The following TECTA variants were observed in gnomAD, a reference collection of about 807,000 sequenced individuals.
TECTA encodes the protein alpha-tectorin.
In TECTA, 128 loss-of-function variants were observed where a neutral mutation model predicts 216.8. The observed-to-expected ratio is 0.59, with a 90% CI of 0.51 to 0.68. The LOEUF (loss-of-function observed/expected upper bound fraction) is 0.68. Among genes scored for constraint, TECTA ranks in the 30% least tolerant of loss-of-function variants. The pLI, the probability that TECTA is intolerant of heterozygous loss-of-function variation, is 0.00. For missense variants in TECTA, 2,551 were observed against 2,786.2 expected (o/e 0.92, Z 1.90); for synonymous variants, 1,089 against 1,117.1 (o/e 0.97, Z 0.50).
chr11:121,151,812 T>C (rs1007830361), intron 12 of TECTA, among the ~76,000 whole-genome samples: 2 of 152,198 alleles, frequency 1.3e-5, no homozygotes, highest in Non-Finnish European at 2.9e-5. Flanking sequence ...AAAAATGAAA[T>C]AACCCCCCAT....
At chr11:121,136,377 G>T (rs998135980) in intron 10 of TECTA, among the ~76,000 whole-genome samples, 1 of 152,114 alleles carries the variant, frequency 6.6e-6, no homozygotes, top group Non-Finnish European at 1.5e-5. Flanking sequence ...AGGGGAAAGC[G>T]CATGAGCAAA....
intron 12 of TECTA, among the ~76,000 whole-genome samples, chr11:121,149,463 A>G (rs1946869206): frequency 6.6e-6 from 1 of 152,218 alleles, no homozygotes; most frequent in South Asian, 2.1e-4. Context: ...TGAATTGCAG[A>G]AGTTATTATA....
chr11:121,133,724 G>A (rs549651499), intron 10 of TECTA, among the ~76,000 whole-genome samples: 2 of 152,274 alleles, frequency 1.3e-5, no homozygotes, highest in East Asian at 1.9e-4. Flanking sequence ...GTGCCATGTG[G>A]TTTTTCTCAT....
At position 121,105,666 on chromosome 11, in the gene TECTA, C is replaced by T. The variant is rs1280451960; in HGVS notation, c.65-165C>T. The stretch of plus-strand genomic sequence containing the variant: ...TTCCCGTTTCCCAGAGCAGAAGATA[C>T]TGCGCTGTGTATGGCCTAGGTTTAG... On this transcript the variant is annotated intron_variant, in intron 2 of 23. Transcript: ENST00000392793. The surrounding 1 kb of genome is among the most constrained non-coding windows in gnomAD (Gnocchi z 5.3). 6.6e-6 allele frequency among the ~76,000 whole-genome samples: 1 copy of T among 152,210 alleles called. No homozygotes were observed. Among genetic ancestry groups the T allele is most frequent in the African/African-American group, 2.4e-5 (1 of 41,450 alleles).
Position 121,162,611 on chromosome 11 carries a change from G to A in TECTA, c.5272+241G>A, listed in dbSNP as rs1462450099. Among the ~76,000 whole-genome samples, 3 of 152,238 alleles carry A rather than the reference G, an allele frequency of 2.0e-5. No homozygotes were observed. The East Asian group carries it at 5.8e-4, about 29-fold the overall frequency. ...GGGATTTGGAAAACAAACGTGGGAA[G>A]ATGGGGCTCTCTGGGTTGGAAGAGC... On this transcript the variant is annotated intron_variant, in intron 16 of 23. Transcript: ENST00000392793.
rs771899079 is a variant in TECTA at position 121,113,139 on chromosome 11, A to G, written c.554A>G (p.Glu185Gly). ...ACATTCACCCTCTTCAATTATTACG[A>G]AATCAACTGGACCACGGGGACGGCG... ...SYTFTLFNYY[E>G]INWTTGTASG... The change falls in exon 5 of 24, where the codon GAA (glutamate) becomes GGA (glycine). Residue 185 changes from glutamate (E) to glycine (G), a missense_variant. By Grantham distance (98) the Glu-to-Gly change is moderately conservative. Transcript: ENST00000392793. This position sits in a 1 kb window ranked among gnomAD's most constrained non-coding sequence, Gnocchi z 4.2. 3.7e-6 allele frequency: 6 copies of G among 1,613,858 alleles called. No homozygotes were observed. The Admixed American group carries it at 1.0e-4, about 27-fold the overall frequency.
At position 121,125,506 on chromosome 11, in the gene TECTA, G is replaced by A; in HGVS notation, c.1408G>A (p.Asp470Asn). Residue 470 changes from aspartate (D) to asparagine (N), a missense_variant, in exon 8 of 24, where the codon GAT becomes AAT. Asp to Asn is a conservative substitution (Grantham distance 23). Transcript: ENST00000392793. The part of the protein sequence containing the change: ...LCGNYNKNPL[D>N]DFLRPDGRPA... ...TGGAAACTATAATAAAAACCCACTG[G>A]ATGACTTCCTCCGCCCGGATGGCAG... is the stretch of plus-strand genomic sequence containing the variant. The A allele has an allele frequency of 6.2e-7, 1 of 1,614,196 alleles. No homozygotes were observed. Among genetic ancestry groups the A allele is most frequent in the Non-Finnish European group, 8.5e-7 (1 of 1,180,042 alleles).
intron 21 of TECTA, among the ~76,000 whole-genome samples, chr11:121,188,729 C>G (rs1054344154): frequency 3.3e-5 from 5 of 152,216 alleles, no homozygotes; most frequent in African/African-American, 9.6e-5. Flanking sequence ...ATGGTCAGAG[C>G]AACTTACAGA....
chr11:121,128,118 T>A lies in TECTA; in HGVS notation c.2141T>A (p.Leu714Gln). The A allele has an allele frequency of 6.2e-7, 1 of 1,613,078 alleles. No homozygotes were observed. Among genetic ancestry groups the A allele is most frequent in the Non-Finnish European group, 8.5e-7 (1 of 1,179,968 alleles). ...GCFPKRETVC[L>Q]LSQNQVLHTF... ...TTCCCCAAGCGGGAGACCGTGTGCC[T>A]GCTCAGCCAGAACCAGGTGCTGCAC... The change falls in exon 9 of 24, where the codon CTG becomes CAG. Residue 714 changes from leucine (L) to glutamine (Q), a missense_variant. Transcript: ENST00000392793.
At chr11:121,147,306 C>T (rs1313590922) in intron 12 of TECTA, among the ~76,000 whole-genome samples, 1 of 152,156 alleles carries the variant, frequency 6.6e-6, no homozygotes. Context: ...AAAGGAGATT[C>T]AGATGAAAAA....
rs776393865 is a variant in TECTA, at chr11:121,118,494, GA to G, written c.980del (p.Glu327GlyfsTer52). The G allele has an allele frequency of 6.2e-7, 1 of 1,614,176 alleles. No individual in the cohort carries two copies. Among genetic ancestry groups the G allele is most frequent in the South Asian group, 1.1e-5 (1 of 91,074 alleles). On this transcript the variant is annotated frameshift_variant, in exon 7 of 24. Coordinates refer to ENST00000392793, the MANE Select transcript of TECTA (RefSeq NM_005422.4). LOFTEE classifies it high-confidence loss of function. ...GACCAGCACATGCGTGGTGTTTGGG[GA>G]GCCACACTACCACACTTTTGACGGC... Reference protein sequence around the residue: ...VETSTCVVFGEPHYHTFDGFL... With the variant: ...VETSTCVVFGXPHYHTFDGFL...
chr11:121,175,028 G>A lies in TECTA; in HGVS notation c.5999+6103G>A, dbSNP rs12363341. Among the ~76,000 whole-genome samples, 1,138 of 152,000 alleles carry A rather than the reference G, an allele frequency of 7.5e-3. 8 individuals are homozygous for A. Among genetic ancestry groups the A allele is most frequent in the Non-Finnish European group, 1.0e-2 (678 of 67,916 alleles). ...TGGTAGTTTGTATTTCTGTGGGATC[G>A]GTGGTGATATCCCCTTTATCATTTT... On this transcript the variant is annotated intron_variant, in intron 20 of 23. Coordinates refer to ENST00000392793, the MANE Select transcript of TECTA (RefSeq NM_005422.4).
At position 121,158,238 on chromosome 11, in the gene TECTA, C is replaced by T. The variant is rs754367288; in HGVS notation, c.4689+14C>T. ...AACACGGTCAAGGTAACCAGCCTGG[C>T]GGCCATTCTTAAGAAGGGGCCCGGA... is the stretch of plus-strand genomic sequence containing the variant. On this transcript the variant is annotated intron_variant, in intron 14 of 23. Coordinates refer to ENST00000392793, the MANE Select transcript of TECTA (RefSeq NM_005422.4). 4.3e-6 allele frequency: 7 copies of T among 1,609,764 alleles called. No homozygotes were observed. The highest frequency in any genetic ancestry group is 2.2e-5 in the East Asian group (1 of 44,890).
In TECTA at chr11:121,190,703, C is replaced by T; in HGVS notation, c.6368-3C>T. 1 of 1,611,242 alleles carries T rather than the reference C, an allele frequency of 6.2e-7. No individual in the cohort carries two copies. The highest frequency in any genetic ancestry group is 8.5e-7 in the Non-Finnish European group (1 of 1,177,496). ...GGCTTACTGTGTTCCTCTCTGTTTA[C>T]AGCCTCTAATTCTTCAATGGAACTT... is the stretch of plus-strand genomic sequence containing the variant. On this transcript the variant is annotated splice_region_variant and splice_polypyrimidine_tract_variant and intron_variant, in intron 23 of 23. Coordinates refer to ENST00000392793, the MANE Select transcript of TECTA (RefSeq NM_005422.4).
rs372709259 is a variant in TECTA at position 121,126,055 on chromosome 11, C to A, written c.1774+183C>A. ...CTTTACTTTTGCCCCCACCTAATAC[C>A]ACAACCAGGAAACAAGAACCCATTG... On this transcript the variant is annotated intron_variant, in intron 8 of 23. Transcript: ENST00000392793. 4.5e-4 allele frequency among the ~76,000 whole-genome samples: 69 copies of A among 152,304 alleles called. No homozygotes were observed. In the East Asian group the frequency reaches 0.012, roughly 27 times the overall value.
At chr11:121,144,424 G>C (rs751567672) in intron 11 of TECTA, among the ~76,000 whole-genome samples, 1 of 152,138 alleles carries the variant, frequency 6.6e-6, no homozygotes, top group African/African-American at 2.4e-5. Context: ...GAGCAGTGGC[G>C]TGGAAAGGGT....
intron 11 of TECTA, among the ~76,000 whole-genome samples, chr11:121,142,158 G>A (rs1189449639): frequency 6.6e-6 from 1 of 152,092 alleles, no homozygotes; most frequent in African/African-American, 2.4e-5. Context: ...ACTAGGTCAA[G>A]GTCTGTTGTT....
rs148765331 is a variant in TECTA at position 121,137,079 on chromosome 11, A to T, written c.2942-342A>T. 3.3e-5 allele frequency among the ~76,000 whole-genome samples: 5 copies of T among 152,280 alleles called. No homozygotes were observed. In the East Asian group the frequency reaches 9.7e-4, roughly 30 times the overall value. On this transcript the variant is annotated intron_variant, in intron 10 of 23. Transcript: ENST00000392793. ...CAGCTCACTGTACTGTGCAAATAAG[A>T]CCACACACATATACAGAGGCACACA...
intron 7 of TECTA, among the ~76,000 whole-genome samples, chr11:121,122,704 A>G (rs1455236704): frequency 6.7e-6 from 1 of 150,000 alleles, no homozygotes; most frequent in Non-Finnish European, 1.5e-5. Flanking sequence ...GAAAGCCAAA[A>G]TAGCCAGGTG....
Sources: allele counts gnomAD v4.1 joint callset (sites outside exome capture counted in the v4.1 genomes callset), GRCh38; gene constraint gnomAD v4.1.1; non-coding constraint Gnocchi (gnomAD v3.1); transcripts MANE v1.5; gene names NCBI Gene and HGNC (gene_info 2026-07-23, HGNC 2026-07-21).